DCAF1: variants seen among roughly 807,000 people sequenced by gnomAD.
DCAF1 encodes DDB1- and CUL4-associated factor 1.
Under a neutral mutation model 128.0 loss-of-function variants are expected in DCAF1, and 15 were observed. The observed-to-expected ratio is 0.12, with a 90% CI of 0.08 to 0.18. The LOEUF is 0.18. Among genes scored for constraint, DCAF1 ranks in the 10% least tolerant of loss-of-function variants. The pLI is 1.00. For synonymous variants in DCAF1, 610 were observed against 603.0 expected, an observed-to-expected ratio of 1.01 and a Z score of -0.17; for missense variants, 988 against 1,649.5, an observed-to-expected ratio of 0.60 and a Z score of 6.95.
chr3:51,442,006 A>C, intron 7 of DCAF1, 109 bp from the exon 8 acceptor site: 1 of 1,408,256 alleles, frequency 7.1e-7, no homozygotes, highest in Non-Finnish European at 9.5e-7. Flanking sequence ...CAGTGAGCCC[A>C]ACGCCTGTAA....
rs534492048 is a variant in DCAF1, at chr3:51,418,646, T to C, written c.3435+32A>G. 36 of 1,578,524 alleles carry C rather than the reference T, an allele frequency of 2.3e-5. 1 individual carries two copies. In the East Asian group the frequency reaches 6.5e-4, roughly 29 times the overall value. On this transcript the variant is annotated intron_variant, in intron 16 of 24. Coordinates refer to ENST00000684031, the MANE Select transcript of DCAF1 (RefSeq NM_001387579.1). ...AGTTCACCAATTCATCTTGGAAGAA[T>C]GACTGAGAGCATCCTAGGAAGGAAC...
intron 2 of DCAF1, among the ~76,000 whole-genome samples, chr3:51,487,327 A>T (rs1261019879): frequency 5.9e-5 from 9 of 152,190 alleles, no homozygotes; most frequent in Admixed American, 5.2e-4. Flanking sequence ...CAAAGATAGT[A>T]CACAGTGTTC....
Position 51,420,258 on chromosome 3 carries a change from A to G in DCAF1, c.2712T>C (p.Arg904=), listed in dbSNP as rs782236938. The G allele has an allele frequency of 6.2e-7, 1 of 1,614,004 alleles. No homozygotes were observed. Among genetic ancestry groups the G allele is most frequent in the Non-Finnish European group, 8.5e-7 (1 of 1,179,886 alleles). The change falls in exon 15 of 25, where the codon CGT becomes CGC. Residue 904 remains arginine (R), a synonymous_variant. Transcript: ENST00000684031. The surrounding 1 kb of genome is among the most constrained non-coding windows in gnomAD (Gnocchi z 6.5). ...ASPVSLPRTP[R]IANGIATRLG... ...GACGAGTTGCAATGCCATTAGCGAT[A>G]CGAGGGGTTCGGGGTAGAGAGACAG... is the stretch of plus-strand genomic sequence containing the variant.
intron 23 of DCAF1, among the ~76,000 whole-genome samples, chr3:51,408,234 G>A (rs1405593984): frequency 6.6e-6 from 1 of 152,138 alleles, no homozygotes; most frequent in East Asian, 1.9e-4. Flanking sequence ...TAAGGACAAA[G>A]GACAAATATT....
At chr3:51,498,049 CAAAAAAAAA>C (rs56734063) in intron 1 of DCAF1, among the ~76,000 whole-genome samples, 43 of 20,818 alleles carry the variant, frequency 2.1e-3, no homozygotes, top group Admixed American at 2.5e-3. Context: ...GACTCTGTCT[CAAAAAAAAA>C]AAAAAAAAAA....
chr3:51,445,422 G>A (rs1477247310), intron 6 of DCAF1, among the ~76,000 whole-genome samples: 1 of 152,098 alleles, frequency 6.6e-6, no homozygotes, highest in Non-Finnish European at 1.5e-5. Flanking sequence ...ACTCAAGACA[G>A]GCTACAAATA....
At chr3:51,425,559 C>CTTT (rs782117372) in intron 13 of DCAF1, among the ~76,000 whole-genome samples, 2,567 of 96,806 alleles carry the variant, frequency 0.027, 281 homozygotes, top group East Asian at 0.046. Context: ...AAGCTGTCAT[C>CTTT]TTTTTTTTTT....
At chr3:51,414,182 T>C (rs1330908465) in intron 19 of DCAF1, 139 bp from the exon 20 acceptor site, 14 of 1,177,896 alleles carry the variant, frequency 1.2e-5, no homozygotes, top group Non-Finnish European at 1.5e-5. Flanking sequence ...GTAAAACAAA[T>C]ACATGTAGAA....
rs138850930 is a variant in DCAF1, at chr3:51,408,775, T to A, written c.4212+3604A>T. 8.5e-5 allele frequency among the ~76,000 whole-genome samples: 13 copies of A among 152,258 alleles called. No homozygotes were observed. In the East Asian group the frequency reaches 2.3e-3, roughly 27 times the overall value. On this transcript the variant is annotated intron_variant, in intron 23 of 24. Transcript: ENST00000684031. ...AACATCTCTAAATCAAAAATCAAAA[T>A]GCCAAGGGCTTGAGGGGATAAGCAG...
intron 6 of DCAF1, among the ~76,000 whole-genome samples, chr3:51,446,199 T>C (rs1701837245): frequency 6.6e-6 from 1 of 152,060 alleles, no homozygotes; most frequent in South Asian, 2.1e-4. Context: ...TTCACCATGT[T>C]GGCCAAGCTG....
intron 9 of DCAF1, among the ~76,000 whole-genome samples, chr3:51,437,808 T>C (rs1193016586): frequency 6.6e-6 from 1 of 151,666 alleles, no homozygotes; most frequent in African/African-American, 2.4e-5. Flanking sequence ...GGGTAAGACC[T>C]TGTCCTCAAA....
At chr3:51,452,076 G>T (rs1702413974) in intron 6 of DCAF1, among the ~76,000 whole-genome samples, 1 of 151,922 alleles carries the variant, frequency 6.6e-6, no homozygotes, top group East Asian at 1.9e-4. Flanking sequence ...TTGAGACAGG[G>T]TCTCGCTCTG....
chr3:51,491,625 G>T (rs1226848314), intron 2 of DCAF1, among the ~76,000 whole-genome samples: 3 of 152,154 alleles, frequency 2.0e-5, no homozygotes, highest in African/African-American at 7.2e-5. Flanking sequence ...AAGACAGGCA[G>T]ATAACTTGAG....
At chr3:51,499,836 C>T (rs1280323683) in intron 1 of DCAF1, 37 bp downstream of exon 1, 5 of 152,006 alleles carry the variant, frequency 3.3e-5, no homozygotes, top group African/African-American at 1.2e-4. Flanking sequence ...TCCTCGCGCC[C>T]CTCCCGTAGA....
intron 23 of DCAF1, among the ~76,000 whole-genome samples, chr3:51,407,313 T>C (rs1697937787): frequency 6.6e-6 from 1 of 152,260 alleles, no homozygotes; most frequent in Non-Finnish European, 1.5e-5. Context: ...TTTAGGGTCA[T>C]AAATGTTTGT....
At chr3:51,466,759 T>A in intron 5 of DCAF1, 44 bp downstream of exon 5, 1 of 1,582,470 alleles carries the variant, frequency 6.3e-7, no homozygotes, top group Non-Finnish European at 8.7e-7. Context: ...AGATACAGCA[T>A]CTACAGATGA....
At chr3:51,479,078 ACC>A in intron 3 of DCAF1, among the ~76,000 whole-genome samples, 1 of 151,946 alleles carries the variant, frequency 6.6e-6, no homozygotes, top group Non-Finnish European at 1.5e-5. Flanking sequence ...ACCCATGAGC[ACC>A]CCTCCCCAGC....
rs1553638710 is a variant in DCAF1, at chr3:51,441,540, CAGA to C, written c.868_870del (p.Ser290del). The stretch of plus-strand genomic sequence containing the variant: ...AGCTCAACAAACATGCGATCTGGAT[CAGA>C]AGATGAGAAACCCAACTTTTGCTTG... On this transcript the variant is annotated inframe_deletion, in exon 8 of 25. Transcript: ENST00000684031. 2 of 1,613,996 alleles carry C rather than the reference CAGA, an allele frequency of 1.2e-6. No individual in the cohort carries two copies. Among genetic ancestry groups the C allele is most frequent in the Admixed American group, 1.7e-5 (1 of 60,022 alleles).
chr3:51,501,714 A>G (rs1263633403), upstream of DCAF1, among the ~76,000 whole-genome samples: 3 of 152,114 alleles, frequency 2.0e-5, no homozygotes, highest in African/African-American at 7.2e-5. Flanking sequence ...ATTCTCTAAT[A>G]TGTGCTGGGA....
Sources: gnomAD v4.1 joint callset for allele counts (sites outside exome capture counted in the v4.1 genomes callset) on GRCh38, gnomAD v4.1.1 for gene constraint, Gnocchi (gnomAD v3.1) non-coding constraint, MANE v1.5 for transcripts, NCBI Gene and HGNC (gene_info 2026-07-23, HGNC 2026-07-21) for gene names.